The following KANTR variants were observed in gnomAD, a reference collection of about 807,000 sequenced individuals.
The protein encoded by KANTR is KANTR integral membrane protein.
chrX:53,097,822 G>A (rs1437151707), intron 1 of KANTR, among the ~76,000 whole-genome samples: 7 of 106,350 alleles, frequency 6.6e-5, no homozygotes, highest in Non-Finnish European at 1.4e-4. Context: ...AGGCCAAGGT[G>A]GGCAGATCAC....
chrX:53,146,792 C>T (rs1933582734), downstream of KANTR, among the ~76,000 whole-genome samples: 1 of 111,946 alleles, frequency 8.9e-6, no homozygotes, highest in African/African-American at 3.2e-5. Flanking sequence ...ACTCTACAAG[C>T]CAGAAGAGAG....
intron 2 of KANTR, among the ~76,000 whole-genome samples, chrX:53,099,829 C>G (rs1389976829): frequency 8.9e-6 from 1 of 112,247 alleles, no homozygotes; most frequent in African/African-American, 3.2e-5. Context: ...CTTAGGTGAT[C>G]AGGTGCATTT....
chrX:53,136,548 T>G (rs1311623727), intron 2 of KANTR, among the ~76,000 whole-genome samples: 3 of 91,137 alleles, frequency 3.3e-5, no homozygotes, highest in Non-Finnish European at 4.4e-5. Context: ...TTTTTTTTTT[T>G]TTTTCATTTT....
downstream of KANTR, among the ~76,000 whole-genome samples, chrX:53,146,680 A>G (rs1933580703): frequency 9.0e-6 from 1 of 111,673 alleles, no homozygotes; most frequent in African/African-American, 3.3e-5. Flanking sequence ...CAGATTCACC[A>G]AAGTTGAAAT....
downstream of KANTR, among the ~76,000 whole-genome samples, chrX:53,145,803 T>C (rs782138411): frequency 4.2e-4 from 47 of 111,736 alleles, no homozygotes; most frequent in East Asian, 0.012. Context: ...AGACAAAACT[T>C]CCAGAGGAAT....
chrX:53,106,265 C>G (rs1159881506), intron 2 of KANTR, among the ~76,000 whole-genome samples: 1 of 110,231 alleles, frequency 9.1e-6, no homozygotes, highest in Non-Finnish European at 1.9e-5. Flanking sequence ...GTCCAGCTTA[C>G]CTATTTTGTT....
At chrX:53,142,316 G>GTT (rs34127394) in exon 3 of KANTR, 1,548 of 94,893 alleles carry the variant, frequency 0.016, 37 homozygotes, top group Non-Finnish European at 0.021. Context: ...TTCTGTGTAT[G>GTT]TTTTTTTTTT....
downstream of KANTR, among the ~76,000 whole-genome samples, chrX:53,147,214 A>G (rs1933589034): frequency 8.9e-6 from 1 of 112,085 alleles, no homozygotes; most frequent in Non-Finnish European, 1.9e-5. Context: ...TGCTGTATTC[A>G]GGAAACCCAT....
At chrX:53,114,959 G>A (rs782069644) in intron 2 of KANTR, among the ~76,000 whole-genome samples, 4 of 109,913 alleles carry the variant, frequency 3.6e-5, no homozygotes, top group African/African-American at 6.6e-5. Context: ...TGCTGGGGCC[G>A]GTGTGGAGCC....
exon 3 of KANTR, chrX:53,127,280 A>G (rs1445827541): frequency 8.9e-6 from 1 of 112,232 alleles, no homozygotes; most frequent in Admixed American, 9.5e-5. Flanking sequence ...ACCACCTGGT[A>G]TATTTTATAT....
intron 2 of KANTR, among the ~76,000 whole-genome samples, chrX:53,115,190 G>A (rs1933104247): frequency 8.9e-6 from 1 of 111,943 alleles, no homozygotes; most frequent in Non-Finnish European, 1.9e-5. Context: ...CTAGGGCTGT[G>A]TAGGTCAACC....
Position 53,124,470 on chromosome X carries a change from A to AT in KANTR, c.204dup (p.Gly69TrpfsTer11). On this transcript the variant is annotated frameshift_variant, in exon 3 of 3. Coordinates refer to ENST00000604062, the Ensembl canonical transcript of KANTR. LOFTEE classifies it high-confidence loss of function. ...TCTTTTTTGATCTCCTTCCTTCCACATTTTTTGGGTTTATTCTGTTGTTCT... is the reference window on the plus strand; with the variant it reads ...TCTTTTTTGATCTCCTTCCTTCCACATTTTTTTGGGTTTATTCTGTTGTTCT... The AT allele has an allele frequency of 3.4e-6, 1 of 295,161 alleles. No homozygotes were observed. The highest frequency in any genetic ancestry group is 5.9e-6 in the Non-Finnish European group (1 of 169,535). The allele number at this position is 295,161 out of a possible 1,213,427, so 24.3% of individuals were successfully genotyped here. A position where few individuals can be genotyped will look rare whatever the true frequency, so the allele number is the denominator to read the frequency against.
chrX:53,145,020 G>A (rs1933554366), downstream of KANTR, among the ~76,000 whole-genome samples: 1 of 111,020 alleles, frequency 9.0e-6, no homozygotes, highest in Non-Finnish European at 1.9e-5. Flanking sequence ...GGTGAATTTG[G>A]GGTGGAGCCA....
rs202193673 is a variant in KANTR, at chrX:53,140,986, GC to G, written n.204-858del. ...AGACCAGCCTGACCAACATGATGAA[GC>G]CCCGTCTCTACTAAAAATACGAAAT... On this transcript the variant is annotated intron_variant and non_coding_transcript_variant, in intron 2 of 2. Transcript: ENST00000366185. Among the ~76,000 whole-genome samples the G allele has an allele frequency of 7.9e-4, 88 of 110,702 alleles. No homozygotes were observed. The East Asian group carries it at 0.023, about 29-fold the overall frequency.
chrX:53,104,185 TATAA>T (rs782037680), intron 2 of KANTR, among the ~76,000 whole-genome samples: 10 of 109,821 alleles, frequency 9.1e-5, no homozygotes, highest in East Asian at 5.6e-4. Flanking sequence ...TAAATATTAT[TATAA>T]ATAAATAAAT....
chrX:53,137,825 A>G (rs782375357), intron 2 of KANTR, among the ~76,000 whole-genome samples: 6 of 109,060 alleles, frequency 5.5e-5, no homozygotes, highest in Admixed American at 9.8e-5. Context: ...ATCATTCTAT[A>G]TCTTGTTTTT....
intron 2 of KANTR, among the ~76,000 whole-genome samples, chrX:53,103,747 G>A (rs1451655328): frequency 9.0e-6 from 1 of 111,464 alleles, no homozygotes; most frequent in Non-Finnish European, 1.9e-5. Flanking sequence ...GAAACCATTG[G>A]AATAAAACAT....
intron 2 of KANTR, among the ~76,000 whole-genome samples, chrX:53,111,883 T>C (rs1236283540): frequency 8.9e-6 from 1 of 112,494 alleles, no homozygotes; most frequent in Non-Finnish European, 1.9e-5. Context: ...CAGCATTTCT[T>C]GTAAGACAGA....
At chrX:53,130,757 A>T, downstream of KANTR, among the ~76,000 whole-genome samples, 1 of 111,689 alleles carries the variant, frequency 9.0e-6, no homozygotes, top group Middle Eastern at 4.6e-3. Context: ...AAAGGAGTAT[A>T]TCCTGCCCTG....
Sources: gnomAD v4.1 joint callset for allele counts (sites outside exome capture counted in the v4.1 genomes callset) on GRCh38, gnomAD v4.1.1 for gene constraint, MANE v1.5 for transcripts, NCBI Gene and HGNC (gene_info 2026-07-23, HGNC 2026-07-21) for gene names.